COL24A1: variants seen among roughly 807,000 people sequenced by gnomAD.
COL24A1 encodes the protein collagen alpha-1(XXIV) chain.
A neutral mutation model predicts 253.9 loss-of-function variants in COL24A1; 224 were observed. The observed-to-expected ratio is 0.88, with a 90% CI of 0.79 to 0.99. The LOEUF (loss-of-function observed/expected upper bound fraction) is 0.99. COL24A1 is among the 50% of genes least tolerant of loss of function. COL24A1 has a pLI of 0.00. For missense variants in COL24A1, 2,131 were observed against 2,068.5 expected (o/e 1.03, Z -0.59); for synonymous variants, 685 against 673.7 (o/e 1.02, Z -0.26).
chr1:85,734,090 A>G (rs925209842), intron 59 of COL24A1, among the ~76,000 whole-genome samples: 4 of 150,708 alleles, frequency 2.7e-5, no homozygotes, highest in South Asian at 4.2e-4. Flanking sequence ...TTTAATAGAG[A>G]CGGGGTTTCA....
At chr1:85,994,856 A>G (rs1694625587) in intron 19 of COL24A1, among the ~76,000 whole-genome samples, 1 of 152,156 alleles carries the variant, frequency 6.6e-6, no homozygotes, top group South Asian at 2.1e-4. Context: ...AAAATAATCC[A>G]TCTAGGTATC....
intron 2 of COL24A1, among the ~76,000 whole-genome samples, chr1:86,138,397 A>G (rs1650567572): frequency 6.6e-6 from 1 of 152,082 alleles, no homozygotes; most frequent in East Asian, 1.9e-4. Context: ...CTACCCTGAT[A>G]TGGTTTGGCT....
intron 8 of COL24A1, among the ~76,000 whole-genome samples, chr1:86,061,945 T>C (rs1701119821): frequency 6.6e-6 from 1 of 152,084 alleles, no homozygotes; most frequent in South Asian, 2.1e-4. Flanking sequence ...TCATTCAGAA[T>C]TCCGGCACTG....
chr1:85,959,861 C>T (rs973663772), intron 24 of COL24A1, among the ~76,000 whole-genome samples: 12 of 152,108 alleles, frequency 7.9e-5, no homozygotes, highest in African/African-American at 2.4e-4. Context: ...ATTTTAACTT[C>T]GGATGCCAAC....
At chr1:85,802,722 C>G (rs1299112652) in intron 47 of COL24A1, among the ~76,000 whole-genome samples, 6 of 152,100 alleles carry the variant, frequency 3.9e-5, no homozygotes, top group Admixed American at 6.6e-5. Context: ...CTTTGTAAAC[C>G]CTCCTTTCCA....
intron 55 of COL24A1, among the ~76,000 whole-genome samples, chr1:85,748,146 C>G (rs1665473869): frequency 1.3e-5 from 2 of 152,198 alleles, no homozygotes; most frequent in Non-Finnish European, 2.9e-5. Flanking sequence ...AAATTTCTCA[C>G]TGGCATCAAA....
chr1:86,027,081 G>A (rs1698100208), intron 14 of COL24A1, among the ~76,000 whole-genome samples: 1 of 152,168 alleles, frequency 6.6e-6, no homozygotes, highest in Non-Finnish European at 1.5e-5. Flanking sequence ...CATTCAAGAG[G>A]TGTCTTGGAT....
intron 53 of COL24A1, among the ~76,000 whole-genome samples, chr1:85,762,047 AAATT>A (rs1294110702): frequency 2.0e-5 from 3 of 152,316 alleles, no homozygotes; most frequent in African/African-American, 7.2e-5. Context: ...AATGATGTTA[AAATT>A]AATTAGTATT....
chr1:85,849,038 A>G (rs1018322856), intron 38 of COL24A1, among the ~76,000 whole-genome samples: 1 of 152,158 alleles, frequency 6.6e-6, no homozygotes, highest in African/African-American at 2.4e-5. Flanking sequence ...AAAAGCACAA[A>G]TGGTATAGTA....
intron 57 of COL24A1, 63 bp from the exon 58 acceptor site, chr1:85,737,568 T>A: frequency 1.0e-6 from 1 of 954,892 alleles, no homozygotes; most frequent in Middle Eastern, 2.4e-4. Flanking sequence ...TATAATTTCT[T>A]TTTTTTTTTT....
intron 3 of COL24A1, among the ~76,000 whole-genome samples, chr1:86,121,754 A>T (rs1647391997): frequency 1.3e-5 from 2 of 152,272 alleles, no homozygotes; most frequent in Non-Finnish European, 2.9e-5. Flanking sequence ...CATTTAACAT[A>T]TGCAAACTTG....
At chr1:85,980,087 A>G (rs547738629) in intron 20 of COL24A1, among the ~76,000 whole-genome samples, 7 of 152,332 alleles carry the variant, frequency 4.6e-5, no homozygotes, top group African/African-American at 1.4e-4. Flanking sequence ...AACAAAAATC[A>G]TATGATCATT....
intron 12 of COL24A1, among the ~76,000 whole-genome samples, chr1:86,046,072 C>T (rs574457053): frequency 6.6e-6 from 1 of 152,150 alleles, no homozygotes; most frequent in Non-Finnish European, 1.5e-5. Context: ...ACTCTATTTT[C>T]CCTTCAAAGA....
intron 57 of COL24A1, among the ~76,000 whole-genome samples, chr1:85,742,897 C>T (rs1037106065): frequency 3.3e-5 from 5 of 151,978 alleles, no homozygotes; most frequent in Admixed American, 3.3e-4. Context: ...CTTAGTGTTC[C>T]AATAATGGAA....
At chr1:85,797,919 A>G (rs1368914254) in intron 47 of COL24A1, among the ~76,000 whole-genome samples, 2 of 152,168 alleles carry the variant, frequency 1.3e-5, no homozygotes, top group Non-Finnish European at 2.9e-5. Context: ...CCAGCCGAGC[A>G]TGGTGGCTCA....
chr1:86,018,934 C>G (rs1199719282), intron 18 of COL24A1, among the ~76,000 whole-genome samples: 5 of 152,080 alleles, frequency 3.3e-5, no homozygotes, highest in African/African-American at 1.2e-4. Context: ...CTTTCCAAAT[C>G]AGGACATTCC....
At position 86,125,489 on chromosome 1, in the gene COL24A1, T is replaced by C. The variant is rs772514993; in HGVS notation, c.847A>G (p.Thr283Ala). 3.1e-6 allele frequency: 5 copies of C among 1,613,690 alleles called. No individual in the cohort carries two copies. Among genetic ancestry groups the C allele is most frequent in the Middle Eastern group, 1.7e-4 (1 of 6,056 alleles). Residue 283 changes from threonine to alanine, a missense_variant, in exon 3 of 60, where the codon ACA becomes GCA. By Grantham distance (58) the Thr-to-Ala change is moderately conservative. Coordinates refer to ENST00000370571, the MANE Select transcript of COL24A1 (RefSeq NM_152890.7). ...GGAATGCTTTTGCCTTCAGTAAATG[T>C]ATCCTCTGACAGTACTTTTTCAGCA... The part of the protein sequence containing the change: ...LFAEKVLSED[T>A]FTEGKSIPNI...
Position 85,734,814 on chromosome 1 carries a change from A to T in COL24A1, c.4933T>A (p.Trp1645Arg). ...GPGLPIGFKG[W>R]NGQIFKVNTL... Reference sequence around the variant, plus strand: ...TTTACTTTAAAAATCTGGCCATTCCATCCCTTGAAACCAATAGGCAATCCT... The same window carrying T: ...TTTACTTTAAAAATCTGGCCATTCCTTCCCTTGAAACCAATAGGCAATCCT... Residue 1645 changes from tryptophan (W) to arginine (R), a missense_variant, in exon 59 of 60, where the codon TGG becomes AGG. By Grantham distance (101) the Trp-to-Arg change is moderately radical (BLOSUM62 -3). Transcript: ENST00000370571. 6.2e-7 allele frequency: 1 copy of T among 1,614,192 alleles called. No homozygotes were observed. Among genetic ancestry groups the T allele is most frequent in the Non-Finnish European group, 8.5e-7 (1 of 1,180,034 alleles).
chr1:85,936,408 C>A lies in COL24A1; in HGVS notation c.2562+24841G>T, dbSNP rs763884473. On this transcript the variant is annotated intron_variant, in intron 24 of 59. Transcript: ENST00000370571. ...GGTTAAATCACAGCATAACTTGCTG[C>A]ACCTGATATAGGCAGAAGGGACTAT... is the stretch of plus-strand genomic sequence containing the variant. Among the ~76,000 whole-genome samples the A allele has an allele frequency of 3.6e-4, 53 of 147,440 alleles. 6 individuals are homozygous for A. The highest frequency in any genetic ancestry group is 3.1e-4 in the Non-Finnish European group (21 of 66,672).
Sources: allele counts gnomAD v4.1 joint callset (sites outside exome capture counted in the v4.1 genomes callset), GRCh38; gene constraint gnomAD v4.1.1; transcripts MANE v1.5; gene names NCBI Gene and HGNC (gene_info 2026-07-23, HGNC 2026-07-21).